The following TUSC3 variants were observed in gnomAD, a reference collection of about 807,000 sequenced individuals.
TUSC3 encodes dolichyl-diphosphooligosaccharide--protein glycosyltransferase subunit TUSC3.
In TUSC3, 45 loss-of-function variants were observed where a neutral mutation model predicts 44.8. The observed-to-expected ratio is 1.00, with a 90% confidence interval of 0.79 to 1.29. The LOEUF is 1.29. TUSC3 is among the 50% of genes most tolerant of loss of function. The probability of loss-of-function intolerance (pLI) is 0.00; values close to 1 mark genes in which losing one functional copy is unlikely to be tolerated. For missense variants in TUSC3, 519 were observed against 437.9 expected (o/e 1.19, Z -1.65); for synonymous variants, 212 against 152.9 (o/e 1.39, Z -2.85).
the TUSC3 span, among the ~76,000 whole-genome samples, chr8:15,849,784 T>C: frequency 6.8e-6 from 1 of 147,046 alleles, no homozygotes; most frequent in Non-Finnish European, 1.5e-5. Context: ...TCCGATTTTA[T>C]GGCCTTCTGT....
intron 6 of TUSC3, among the ~76,000 whole-genome samples, chr8:15,723,522 CT>C (rs1202623143): frequency 6.6e-6 from 1 of 152,118 alleles, no homozygotes; most frequent in Non-Finnish European, 1.5e-5. Flanking sequence ...GATAATACCT[CT>C]TTATATCTCT....
the TUSC3 span, among the ~76,000 whole-genome samples, chr8:15,847,205 C>T: frequency 2.1e-3 from 317 of 152,200 alleles, 2 homozygotes; most frequent in African/African-American, 7.2e-3. Flanking sequence ...TGGGTTGTAG[C>T]ACATATGTGA....
chr8:15,512,891 C>G (rs1180148979), intron 2 of TUSC3, among the ~76,000 whole-genome samples: 2 of 94,718 alleles, frequency 2.1e-5, no homozygotes, highest in Non-Finnish European at 4.2e-5. Context: ...TATATACACA[C>G]AATTCTCTCG....
intron 1 of TUSC3, among the ~76,000 whole-genome samples, chr8:15,613,907 A>C (rs2129160141): frequency 6.6e-6 from 1 of 152,224 alleles, no homozygotes; most frequent in South Asian, 2.1e-4. Flanking sequence ...CAAACAGAGA[A>C]GTTTGAATTA....
At chr8:15,737,244 T>G (rs1388146604) in intron 7 of TUSC3, among the ~76,000 whole-genome samples, 1 of 152,172 alleles carries the variant, frequency 6.6e-6, no homozygotes, top group Non-Finnish European at 1.5e-5. Flanking sequence ...AAGTCTTCTA[T>G]AATGTGCTAA....
chr8:15,448,577 A>C (rs565032331), intron 1 of TUSC3, among the ~76,000 whole-genome samples: 43 of 152,322 alleles, frequency 2.8e-4, no homozygotes, highest in Non-Finnish European at 6.2e-4. Context: ...TATGATGTAG[A>C]AGATTATTAT....
chr8:15,538,774 C>G (rs1162236641), upstream of TUSC3, among the ~76,000 whole-genome samples: 1 of 151,924 alleles, frequency 6.6e-6, no homozygotes, highest in Non-Finnish European at 1.5e-5. Flanking sequence ...TATTTTCATA[C>G]TCAGTAAGTT....
intron 1 of TUSC3, among the ~76,000 whole-genome samples, chr8:15,583,029 A>C (rs901420088): frequency 1.3e-5 from 2 of 152,212 alleles, no homozygotes; most frequent in Non-Finnish European, 2.9e-5. Context: ...ATGTAAAGAT[A>C]CATGTAGCTA....
chr8:15,563,821 G>C (rs1273417155), intron 1 of TUSC3, among the ~76,000 whole-genome samples: 2 of 151,816 alleles, frequency 1.3e-5, no homozygotes, highest in East Asian at 3.9e-4. Context: ...GTAAGCACTT[G>C]TAAATAAGAA....
chr8:15,659,576 T>A lies in TUSC3; in HGVS notation c.496T>A (p.Phe166Ile). The change falls in exon 4 of 11, where the codon TTT becomes ATT. Residue 166 changes from phenylalanine (F) to isoleucine (I), a missense_variant. By Grantham distance (21) the Phe-to-Ile change is conservative. Coordinates refer to ENST00000503731, the MANE Select transcript of TUSC3 (RefSeq NM_006765.4). ...PKGRPKRADT[F>I]DLQRIGFAAE... ...AGGCAGACCTAAGAGAGCTGATACTTTTGACCTCCAAAGAATTGGATTTGC... is the reference window on the plus strand; with the variant it reads ...AGGCAGACCTAAGAGAGCTGATACTATTGACCTCCAAAGAATTGGATTTGC... 6.2e-7 allele frequency: 1 copy of A among 1,613,532 alleles called. No individual in the cohort carries two copies. Among genetic ancestry groups the A allele is most frequent in the Admixed American group, 1.7e-5 (1 of 60,000 alleles).
chr8:15,584,188 G>A (rs1266888591), intron 1 of TUSC3, among the ~76,000 whole-genome samples: 4 of 152,100 alleles, frequency 2.6e-5, no homozygotes, highest in African/African-American at 9.7e-5. Context: ...TATTTTTATG[G>A]TTAATTTGAG....
chr8:15,805,005 C>T, the TUSC3 span, among the ~76,000 whole-genome samples: 7 of 151,966 alleles, frequency 4.6e-5, no homozygotes, highest in Admixed American at 1.3e-4. Flanking sequence ...TATTTTCTTT[C>T]GACAGTGTTT....
intron 1 of TUSC3, among the ~76,000 whole-genome samples, chr8:15,599,992 G>A (rs527699055): frequency 4.0e-5 from 6 of 151,688 alleles, no homozygotes; most frequent in Admixed American, 2.6e-4. Flanking sequence ...GACAGTCAAC[G>A]CCATCTGCAA....
intron 5 of TUSC3, among the ~76,000 whole-genome samples, chr8:15,671,801 A>C (rs1221119532): frequency 1.3e-5 from 2 of 152,056 alleles, no homozygotes; most frequent in African/African-American, 4.8e-5. Flanking sequence ...TTAAATATAT[A>C]GTAAGCTCTT....
intron 2 of TUSC3, among the ~76,000 whole-genome samples, chr8:15,634,127 C>G (rs796091958): frequency 6.6e-6 from 1 of 152,196 alleles, no homozygotes; most frequent in Non-Finnish European, 1.5e-5. Context: ...GGAGCAAAGA[C>G]AAGATGGTAT....
chr8:15,805,687 G>A, the TUSC3 span, among the ~76,000 whole-genome samples: 1 of 152,122 alleles, frequency 6.6e-6, no homozygotes, highest in Non-Finnish European at 1.5e-5. Flanking sequence ...CTTGATCATG[G>A]TAAATTAACT....
chr8:15,716,293 G>A (rs536580466), intron 6 of TUSC3, among the ~76,000 whole-genome samples: 57 of 151,872 alleles, frequency 3.8e-4, no homozygotes, highest in Non-Finnish European at 7.1e-4. Context: ...GAAGTTTTGT[G>A]AATGTTCTTG....
At chr8:15,417,410 ACT>A (rs1799673855) in intron 1 of TUSC3, 1 of 152,212 alleles carries the variant, frequency 6.6e-6, no homozygotes, top group Non-Finnish European at 1.5e-5. Context: ...GCAAAGATAA[ACT>A]CTGCAAAGTC....
At chr8:15,728,577 T>A (rs758939891) in intron 6 of TUSC3, among the ~76,000 whole-genome samples, 4 of 152,004 alleles carry the variant, frequency 2.6e-5, no homozygotes, top group Non-Finnish European at 4.4e-5. Context: ...CTGGAAAAAT[T>A]AAGTTACTCT....
Sources: gnomAD v4.1 joint callset for allele counts (sites outside exome capture counted in the v4.1 genomes callset) on GRCh38, gnomAD v4.1.1 for gene constraint, MANE v1.5 for transcripts, NCBI Gene and HGNC (gene_info 2026-07-23, HGNC 2026-07-21) for gene names.